The following PNPT1 variants were observed in gnomAD, a reference collection of about 807,000 sequenced individuals.
PNPT1 encodes polyribonucleotide nucleotidyltransferase 1, mitochondrial.
Under a neutral mutation model 119.5 loss-of-function variants are expected in PNPT1, and 53 were observed. The observed-to-expected ratio is 0.44, with a 90% CI of 0.36 to 0.56. The LOEUF is 0.56. PNPT1 is among the 20% of genes least tolerant of loss of function. The pLI, the probability that PNPT1 is intolerant of heterozygous loss-of-function variation, is 0.00. For synonymous variants in PNPT1, 357 were observed against 322.1 expected (o/e 1.11, Z -1.16); for missense variants, 948 against 938.5 (o/e 1.01, Z -0.13).
At chr2:55,646,220 T>C in intron 21 of PNPT1, 39 bp downstream of exon 21, 9 of 1,553,756 alleles carry the variant, frequency 5.8e-6, no homozygotes, top group Non-Finnish European at 7.9e-6. Flanking sequence ...ATTAGCAAAG[T>C]GGAAAAGAAT....
At chr2:55,644,569 A>C (rs1159309919) in intron 23 of PNPT1, 68 bp downstream of exon 23, 1 of 1,132,326 alleles carries the variant, frequency 8.8e-7, no homozygotes, top group Non-Finnish European at 1.3e-6. Context: ...AACATACTAG[A>C]GATGAAATAG....
At chr2:55,642,140 G>A (rs1027391527) in intron 25 of PNPT1, among the ~76,000 whole-genome samples, 17 of 151,596 alleles carry the variant, frequency 1.1e-4, no homozygotes, top group African/African-American at 3.4e-4. Flanking sequence ...ATGCACAGCC[G>A]AAATTGGATT....
chr2:55,680,856 G>T lies in PNPT1; in HGVS notation c.516C>A (p.Gly172=). 6.2e-7 allele frequency: 1 copy of T among 1,613,396 alleles called. No homozygotes were observed. The highest frequency in any genetic ancestry group is 8.5e-7 in the Non-Finnish European group (1 of 1,179,542). The change falls in exon 6 of 28, where the codon GGC becomes GGA. Residue 172 remains glycine, a splice_region_variant and synonymous_variant. Coordinates refer to ENST00000447944, the MANE Select transcript of PNPT1 (RefSeq NM_033109.5). ...TTTAATCTCTACTTTTATACTTACC[G>T]CCATTAATTGCTAGGACATCAGGCT... ...VNEPDVLAIN[G]ASVALSLSDI...
chr2:55,659,040 AG>A (rs1352958816), intron 15 of PNPT1, among the ~76,000 whole-genome samples: 3 of 152,154 alleles, frequency 2.0e-5, no homozygotes, highest in African/African-American at 7.2e-5. Context: ...CTGCATTCTC[AG>A]CCTCCTGGGC....
intron 25 of PNPT1, 34 bp downstream of exon 25, chr2:55,643,124 A>C: frequency 6.2e-7 from 1 of 1,610,116 alleles, no homozygotes; most frequent in South Asian, 1.1e-5. Flanking sequence ...TAAAGAAAGG[A>C]AAATGCTCAG....
Position 55,640,709 on chromosome 2 carries a change from C to CA in PNPT1, c.2070-5dup. ...TTTTACCATTACACCAGTATCTCTA[C>CA]AAAAAAATAAATAGTAAGCCTGGTT... On this transcript the variant is annotated splice_region_variant and splice_polypyrimidine_tract_variant and intron_variant, in intron 25 of 27. Coordinates refer to ENST00000447944, the MANE Select transcript of PNPT1 (RefSeq NM_033109.5). 5 of 1,532,814 alleles carry CA rather than the reference C, an allele frequency of 3.3e-6. No individual in the cohort carries two copies. Among genetic ancestry groups the CA allele is most frequent in the Non-Finnish European group, 4.5e-6 (5 of 1,110,934 alleles). 95.0% of individuals were successfully genotyped at this position (1,532,814 alleles called of 1,614,324 possible).
rs377606902 is a variant in PNPT1, at chr2:55,646,357, T to C, written c.1675-35A>G. 3,118 of 1,603,376 alleles carry C rather than the reference T, an allele frequency of 1.9e-3. 12 individuals are homozygous for C. The highest frequency in any genetic ancestry group is 2.4e-3 in the Non-Finnish European group (2,826 of 1,172,388). On this transcript the variant is annotated intron_variant, in intron 20 of 27. Transcript: ENST00000447944. ...AAAAGTCAAACAATTATATAAATAT[T>C]GACTCATGGCATTATTTAAATGTTA...
At chr2:55,679,531 G>A (rs1697181098) in intron 8 of PNPT1, 151 bp downstream of exon 8, 1 of 536,222 alleles carries the variant, frequency 1.9e-6, no homozygotes, top group Non-Finnish European at 3.3e-6. Flanking sequence ...CATTTGATAT[G>A]AAGCAAGAGC....
At chr2:55,657,384 TTTTTG>T (rs1331715590) in intron 15 of PNPT1, among the ~76,000 whole-genome samples, 1 of 152,036 alleles carries the variant, frequency 6.6e-6, no homozygotes, top group Non-Finnish European at 1.5e-5. Context: ...AAGAATTTTT[TTTTTG>T]TTTTTTCTTT....
Position 55,690,663 on chromosome 2 carries a change from T to G in PNPT1, c.162-2958A>C, listed in dbSNP as rs72807626. ...ATATATGTTAATAAATACAATGATTTTGTAGTATCAAATTCTTGACTCTGA... is the reference window on the plus strand; with the variant it reads ...ATATATGTTAATAAATACAATGATTGTGTAGTATCAAATTCTTGACTCTGA... On this transcript the variant is annotated intron_variant, in intron 1 of 27. Coordinates refer to ENST00000447944, the MANE Select transcript of PNPT1 (RefSeq NM_033109.5). Among the ~76,000 whole-genome samples, 242 of 152,348 alleles carry G rather than the reference T, an allele frequency of 1.6e-3. 2 individuals are homozygous for G. The Middle Eastern group carries it at 0.024, about 15-fold the overall frequency.
intron 15 of PNPT1, 143 bp downstream of exon 15, chr2:55,660,013 AG>A (rs1213620262): frequency 3.0e-6 from 2 of 674,900 alleles, no homozygotes; most frequent in Non-Finnish European, 4.4e-6. Flanking sequence ...CTGAGGCGGG[AG>A]GATGTCTTGA....
Position 55,636,898 on chromosome 2 carries a change from A to C in PNPT1, c.2197-506T>G, listed in dbSNP as rs1187316730. ...ACAACAACAACAACAACAACAACAA[A>C]TAAACCAAAAAATCAACCTTATACA... On this transcript the variant is annotated intron_variant, in intron 27 of 27. Coordinates refer to ENST00000447944, the MANE Select transcript of PNPT1 (RefSeq NM_033109.5). 3.3e-5 allele frequency among the ~76,000 whole-genome samples: 5 copies of C among 150,182 alleles called. No homozygotes were observed. In the East Asian group the frequency reaches 9.6e-4, roughly 29 times the overall value.
chr2:55,674,074 A>G (rs1696993806), intron 8 of PNPT1, among the ~76,000 whole-genome samples: 2 of 152,238 alleles, frequency 1.3e-5, no homozygotes, highest in Non-Finnish European at 2.9e-5. Context: ...GGAATCTAAT[A>G]AATATTTCCT....
In PNPT1 at chr2:55,669,469, T is replaced by C. The variant is rs575293872; in HGVS notation, c.977-1511A>G. Among the ~76,000 whole-genome samples the C allele has an allele frequency of 7.9e-5, 12 of 152,332 alleles. No homozygotes were observed. The East Asian group carries it at 2.3e-3, about 29-fold the overall frequency. On this transcript the variant is annotated intron_variant, in intron 11 of 27. Coordinates refer to ENST00000447944, the MANE Select transcript of PNPT1 (RefSeq NM_033109.5). ...AAAGATATATTAGATTGTATCTTCT[T>C]CAGAAAAGAATAATTTTTAATATTA...
intron 18 of PNPT1, among the ~76,000 whole-genome samples, chr2:55,648,459 G>GT (rs1021357601): frequency 1.7e-4 from 26 of 152,308 alleles, no homozygotes; most frequent in Admixed American, 1.2e-3. Context: ...TACCAGTGGT[G>GT]TAAGAAGGTA....
chr2:55,653,485 G>A (rs921051559), intron 18 of PNPT1, among the ~76,000 whole-genome samples: 1 of 152,154 alleles, frequency 6.6e-6, no homozygotes, highest in Non-Finnish European at 1.5e-5. Flanking sequence ...TTTGTTCAGT[G>A]TTTTCCAGTA....
Position 55,675,932 on chromosome 2 carries a change from C to T in PNPT1, c.680-2853G>A, listed in dbSNP as rs149086470. ...GAGTTCTACTGGACAACACTGCTAT[C>T]GATGCTAAAAATTTAAACATAAAAG... is the stretch of plus-strand genomic sequence containing the variant. On this transcript the variant is annotated intron_variant, in intron 8 of 27. Transcript: ENST00000447944. 1.2e-3 allele frequency among the ~76,000 whole-genome samples: 188 copies of T among 152,170 alleles called. 1 individual carries two copies. The highest frequency in any genetic ancestry group is 3.9e-3 in the African/African-American group (162 of 41,506).
intron 14 of PNPT1, 106 bp downstream of exon 14, chr2:55,661,850 A>C (rs1696585937): frequency 6.4e-6 from 7 of 1,099,226 alleles, no homozygotes; most frequent in Non-Finnish European, 8.6e-6. Context: ...GAAGTACAAA[A>C]ACACAGGTTA....
In PNPT1 at chr2:55,636,359, T is replaced by C. The variant is rs779754492; in HGVS notation, c.2230A>G (p.Arg744Gly). 2.5e-6 allele frequency: 4 copies of C among 1,614,186 alleles called. No individual in the cohort carries two copies. In the South Asian group the frequency reaches 4.4e-5, roughly 18 times the overall value. The change falls in exon 28 of 28, where the codon AGA (arginine) becomes GGA (glycine). Residue 744 changes from arginine (R) to glycine (G), a missense_variant. Coordinates refer to ENST00000447944, the MANE Select transcript of PNPT1 (RefSeq NM_033109.5). Reference protein sequence around the residue: ...KYFGRDPADGRMRLSRKVLQS... With the variant: ...KYFGRDPADGGMRLSRKVLQS... Reference sequence around the variant, plus strand: ...AGCACTTTTCGAGAAAGCCTCATTCTTCCATCGGCTGGGTCACGTCCAAAG... The same window carrying C: ...AGCACTTTTCGAGAAAGCCTCATTCCTCCATCGGCTGGGTCACGTCCAAAG...
Sources: allele counts gnomAD v4.1 joint callset (sites outside exome capture counted in the v4.1 genomes callset), GRCh38; gene constraint gnomAD v4.1.1; transcripts MANE v1.5; gene names NCBI Gene and HGNC (gene_info 2026-07-23, HGNC 2026-07-21).